Variants in GABRA2 observed in about 807,000 individuals in gnomAD.
GABRA2 encodes the protein gamma-aminobutyric acid type A receptor subunit alpha2.
Under a neutral mutation model 48.7 loss-of-function variants are expected in GABRA2, and 16 were observed. The observed-to-expected ratio is 0.33, with a 90% CI of 0.22 to 0.50. The LOEUF (loss-of-function observed/expected upper bound fraction) is 0.50. Among genes scored for constraint, GABRA2 ranks in the 20% least tolerant of loss-of-function variants. GABRA2 has a pLI of 0.98. For synonymous variants in GABRA2, 185 were observed against 184.5 expected, an observed-to-expected ratio of 1.00 and a Z score of -0.02; for missense variants, 275 against 535.6, an observed-to-expected ratio of 0.51 and a Z score of 4.80.
chr4:46,328,752 T>C (rs1397963076), intron 4 of GABRA2, among the ~76,000 whole-genome samples: 3 of 152,076 alleles, frequency 2.0e-5, no homozygotes, highest in South Asian at 2.1e-4. Context: ...TAGCATTAGG[T>C]ATATCATTCT....
At chr4:46,363,594 A>T (rs1056819640) in intron 3 of GABRA2, 1 of 152,208 alleles carries the variant, frequency 6.6e-6, no homozygotes, top group Non-Finnish European at 1.5e-5. Context: ...GGCTTAAGGA[A>T]AAATAAACTT....
chr4:46,276,118 CA>C (rs796927610), intron 8 of GABRA2, among the ~76,000 whole-genome samples: 2 of 151,722 alleles, frequency 1.3e-5, no homozygotes, highest in Non-Finnish European at 2.9e-5. Context: ...AAAACAAGAA[CA>C]AAAAAACTAT....
intron 4 of GABRA2, among the ~76,000 whole-genome samples, chr4:46,328,487 CTAAAAG>C (rs1730779379): frequency 3.3e-5 from 5 of 152,012 alleles, no homozygotes; most frequent in Admixed American, 2.6e-4. Flanking sequence ...AGCTAAGCTA[CTAAAAG>C]TAAAACTAAA....
chr4:46,284,506 A>C (rs551256587), intron 8 of GABRA2, among the ~76,000 whole-genome samples: 1 of 152,232 alleles, frequency 6.6e-6, no homozygotes, highest in Admixed American at 6.5e-5. Flanking sequence ...AACAGAGAAT[A>C]TGAAAGGAGG....
chr4:46,293,890 A>G (rs1724150532), intron 8 of GABRA2, among the ~76,000 whole-genome samples: 1 of 152,198 alleles, frequency 6.6e-6, no homozygotes, highest in Non-Finnish European at 1.5e-5. Context: ...ATCTTGGAGA[A>G]TGACAGTGGA....
At chr4:46,287,750 G>A (rs535951423) in intron 8 of GABRA2, among the ~76,000 whole-genome samples, 1 of 151,740 alleles carries the variant, frequency 6.6e-6, no homozygotes, top group East Asian at 1.9e-4. Flanking sequence ...TGCACATTGT[G>A]CACATGTACC....
chr4:46,366,082 T>C (rs1250071377), intron 3 of GABRA2: 3 of 152,130 alleles, frequency 2.0e-5, no homozygotes, highest in Non-Finnish European at 2.9e-5. Context: ...CTAGACTACA[T>C]GGTCTTCTTA....
At chr4:46,289,913 A>ATT (rs147975517) in intron 8 of GABRA2, among the ~76,000 whole-genome samples, 11 of 111,840 alleles carry the variant, frequency 9.8e-5, no homozygotes, top group East Asian at 2.1e-4. Flanking sequence ...ATTTATTTTT[A>ATT]TTTTTTTTTT....
intron 8 of GABRA2, among the ~76,000 whole-genome samples, chr4:46,300,312 C>A (rs113329435): frequency 6.7e-6 from 1 of 150,356 alleles, no homozygotes; most frequent in African/African-American, 2.4e-5. Context: ...TGTGTGTGTG[C>A]GCGCGCGTTT....
intron 8 of GABRA2, among the ~76,000 whole-genome samples, chr4:46,263,714 T>C (rs966601079): frequency 6.6e-6 from 1 of 152,208 alleles, no homozygotes; most frequent in South Asian, 2.1e-4. Flanking sequence ...CAAGATTGTT[T>C]TGGCTAATCA....
intron 9 of GABRA2, among the ~76,000 whole-genome samples, chr4:46,254,193 A>T (rs1242027786): frequency 6.6e-6 from 1 of 151,480 alleles, no homozygotes; most frequent in East Asian, 2.0e-4. Context: ...TGTTGGGAGA[A>T]ATCATACTAT....
intron 3 of GABRA2, among the ~76,000 whole-genome samples, chr4:46,383,431 C>T (rs933779816): frequency 9.9e-5 from 15 of 152,158 alleles, no homozygotes; most frequent in African/African-American, 3.6e-4. Flanking sequence ...TCCCATTTTC[C>T]AGACAATGAG....
Position 46,343,981 on chromosome 4 carries a change from G to A in GABRA2, c.188-11299C>T, listed in dbSNP as rs190698211. 4.6e-5 allele frequency among the ~76,000 whole-genome samples: 7 copies of A among 152,018 alleles called. No homozygotes were observed. The East Asian group carries it at 1.4e-3, about 30-fold the overall frequency. On this transcript the variant is annotated intron_variant, in intron 3 of 9. Coordinates refer to ENST00000381620, the MANE Select transcript of GABRA2 (RefSeq NM_000807.4). ...AGAAGCCACCTCACTGGGTTCCTGT[G>A]AGGATTAAGGCTTGACAGGAGTACA...
At chr4:46,313,103 G>A (rs1266676379) in intron 4 of GABRA2, among the ~76,000 whole-genome samples, 1 of 142,564 alleles carries the variant, frequency 7.0e-6, no homozygotes, top group Non-Finnish European at 1.5e-5. Context: ...TGAGTAGGCA[G>A]CTTTCCCAGT....
intron 3 of GABRA2, 89 bp from the exon 4 acceptor site, chr4:46,332,771 G>A (rs1731588106): frequency 2.7e-6 from 2 of 753,050 alleles, no homozygotes; most frequent in Admixed American, 4.9e-5. Flanking sequence ...TGGTTTGAAA[G>A]CTGTGTCACA....
rs1023352467 is a variant in GABRA2 at position 46,315,942 on chromosome 4, T to TATACAC, written c.256-3227_256-3226insGTGTAT. Among the ~76,000 whole-genome samples the TATACAC allele has an allele frequency of 1.1e-4, 17 of 148,324 alleles. 1 individual carries two copies. Among genetic ancestry groups the TATACAC allele is most frequent in the African/African-American group, 4.2e-4 (17 of 40,192 alleles). ...TGTACTTTCACATTTAGTACATATA[T>TATACAC]ACACACACACACACACACACACATA... On this transcript the variant is annotated intron_variant, in intron 4 of 9. Transcript: ENST00000381620.
At chr4:46,387,363 G>C (rs1399755877) in intron 2 of GABRA2, among the ~76,000 whole-genome samples, 2 of 152,102 alleles carry the variant, frequency 1.3e-5, no homozygotes, top group Non-Finnish European at 2.9e-5. Flanking sequence ...GTGTCCATTT[G>C]CATTTAAATG....
At position 46,250,228 on chromosome 4, in the gene GABRA2, A is replaced by T. The variant is rs199685333; in HGVS notation, c.*80T>A. ...TGTACATGTTGGATCACAAATTAGC[A>T]GTTATTAGTCAGACTGTACATAGCA... On this transcript the variant is annotated 3_prime_UTR_variant, in exon 10 of 10. Transcript: ENST00000381620. 1 of 1,149,962 alleles carries T rather than the reference A, an allele frequency of 8.7e-7. No homozygotes were observed. The highest frequency in any genetic ancestry group is 1.6e-5 in the African/African-American group (1 of 64,214). The allele number at this position is 1,149,962 out of a possible 1,614,324, so 71.2% of individuals were successfully genotyped here.
chr4:46,279,777 G>A (rs1560468775), intron 8 of GABRA2, among the ~76,000 whole-genome samples: 1 of 152,040 alleles, frequency 6.6e-6, no homozygotes, highest in Admixed American at 6.6e-5. Flanking sequence ...TGTGTGCTAA[G>A]TGGTTCTAGT....
Sources: allele counts gnomAD v4.1 joint callset (sites outside exome capture counted in the v4.1 genomes callset), GRCh38; gene constraint gnomAD v4.1.1; transcripts MANE v1.5; gene names NCBI Gene and HGNC (gene_info 2026-07-23, HGNC 2026-07-21).